FBXL7: variants seen among roughly 807,000 people sequenced by gnomAD.
FBXL7 encodes the protein F-box/LRR-repeat protein 7.
FBXL7 carries 12 observed loss-of-function variants against 38.3 expected under a neutral mutation model. The ratio of observed to expected loss-of-function variants is 0.31; its 90% CI spans 0.20 to 0.51. FBXL7 has a LOEUF of 0.51. FBXL7 is among the 20% of genes least tolerant of loss of function. The pLI, the probability that FBXL7 is intolerant of heterozygous loss-of-function variation, is 0.98. For synonymous variants in FBXL7, 297 were observed against 300.9 expected (o/e 0.99, Z 0.13); for missense variants, 567 against 676.4 (o/e 0.84, Z 1.79).
At chr5:15,507,872 G>A (rs911274909) in intron 1 of FBXL7, among the ~76,000 whole-genome samples, 23 of 152,060 alleles carry the variant, frequency 1.5e-4, no homozygotes, top group African/African-American at 5.3e-4. Context: ...GTGAAACCCG[G>A]TGTCTACTAA....
intron 2 of FBXL7, among the ~76,000 whole-genome samples, chr5:15,715,154 C>G (rs969197237): frequency 6.6e-6 from 1 of 151,978 alleles, no homozygotes; most frequent in Non-Finnish European, 1.5e-5. Flanking sequence ...CAATAGGAAA[C>G]TATATATATT....
chr5:15,904,696 A>G (rs1741312873), intron 2 of FBXL7, among the ~76,000 whole-genome samples: 1 of 152,138 alleles, frequency 6.6e-6, no homozygotes, highest in Non-Finnish European at 1.5e-5. Flanking sequence ...TCTATTTCAT[A>G]TATATTTGGC....
intron 2 of FBXL7, among the ~76,000 whole-genome samples, chr5:15,649,372 G>A (rs771149781): frequency 1.3e-5 from 2 of 152,142 alleles, no homozygotes; most frequent in Non-Finnish European, 2.9e-5. Flanking sequence ...ATTGGTTGCT[G>A]AAATAGTATA....
At chr5:15,655,234 G>A (rs759990035) in intron 2 of FBXL7, among the ~76,000 whole-genome samples, 3 of 152,154 alleles carry the variant, frequency 2.0e-5, no homozygotes, top group East Asian at 1.9e-4. Context: ...GGTGGCTCAC[G>A]CCTGTAATCC....
rs544213985 is a variant in FBXL7, at chr5:15,501,687, T to C, written c.37+974T>C. On this transcript the variant is annotated intron_variant, in intron 1 of 3. Transcript: ENST00000504595. Reference sequence around the variant, plus strand: ...GCCTGTGGCCTGGAGGAAACTCTTATCATCCTGTTCGAAACTTTGAGCTGT... The same window carrying C: ...GCCTGTGGCCTGGAGGAAACTCTTACCATCCTGTTCGAAACTTTGAGCTGT... 21 of 985,480 alleles carry C rather than the reference T, an allele frequency of 2.1e-5. No individual in the cohort carries two copies. In the South Asian group the frequency reaches 7.0e-4, roughly 33 times the overall value. 61.0% of individuals were successfully genotyped at this position (985,480 alleles called of 1,614,324 possible).
At chr5:15,673,469 A>G (rs1056003827) in intron 2 of FBXL7, among the ~76,000 whole-genome samples, 8 of 152,198 alleles carry the variant, frequency 5.3e-5, no homozygotes, top group Non-Finnish European at 1.2e-4. Context: ...TTTGGAATTG[A>G]GTCTTGGTGT....
At chr5:15,636,879 ATTCT>A (rs1206715860) in intron 2 of FBXL7, among the ~76,000 whole-genome samples, 1 of 152,222 alleles carries the variant, frequency 6.6e-6, no homozygotes, top group South Asian at 2.1e-4. Flanking sequence ...GATCTGATAC[ATTCT>A]TAATCAGAAA....
chr5:15,926,936 C>T (rs1380338915), intron 2 of FBXL7, among the ~76,000 whole-genome samples: 1 of 151,776 alleles, frequency 6.6e-6, no homozygotes, highest in Admixed American at 6.6e-5. Flanking sequence ...AAACTCACTC[C>T]CCTCATTTGT....
At chr5:15,929,598 T>C (rs909294873) in intron 3 of FBXL7, among the ~76,000 whole-genome samples, 1 of 141,304 alleles carries the variant, frequency 7.1e-6, no homozygotes. Context: ...CACTCCAGCC[T>C]GGAGGACAGA....
intron 2 of FBXL7, among the ~76,000 whole-genome samples, chr5:15,719,208 CT>C (rs1744128646): frequency 1.3e-5 from 2 of 152,130 alleles, no homozygotes; most frequent in Non-Finnish European, 2.9e-5. Context: ...CAAGTTCAGG[CT>C]TTGTTCCTGA....
chr5:15,882,700 T>C (rs1290425281), intron 2 of FBXL7, among the ~76,000 whole-genome samples: 1 of 152,312 alleles, frequency 6.6e-6, no homozygotes, highest in South Asian at 2.1e-4. Flanking sequence ...CCACAATCTC[T>C]TCTCAATCTC....
rs537938250 is a variant in FBXL7 at position 15,587,276 on chromosome 5, C to G, written c.38-28707C>G. On this transcript the variant is annotated intron_variant, in intron 1 of 3. Transcript: ENST00000504595. ...TCAGGGCCTTTTTGTATTTCAAATCCTTGGCCTAGAATGGGCTTGCTTCTT... is the reference window on the plus strand; with the variant it reads ...TCAGGGCCTTTTTGTATTTCAAATCGTTGGCCTAGAATGGGCTTGCTTCTT... Among the ~76,000 whole-genome samples, 4 of 152,236 alleles carry G rather than the reference C, an allele frequency of 2.6e-5. No individual in the cohort carries two copies. The East Asian group carries it at 7.7e-4, about 29-fold the overall frequency.
chr5:15,695,995 A>G (rs953423355), intron 2 of FBXL7, among the ~76,000 whole-genome samples: 1 of 152,226 alleles, frequency 6.6e-6, no homozygotes, highest in African/African-American at 2.4e-5. Context: ...AAAAATTCGT[A>G]TCTTCGCAAA....
At chr5:15,691,347 G>A (rs780020340) in intron 2 of FBXL7, among the ~76,000 whole-genome samples, 3 of 152,202 alleles carry the variant, frequency 2.0e-5, no homozygotes, top group Non-Finnish European at 4.4e-5. Flanking sequence ...CCAACAGTGA[G>A]AACAGACCAA....
intron 1 of FBXL7, among the ~76,000 whole-genome samples, chr5:15,506,135 T>G (rs1736640628): frequency 6.6e-6 from 1 of 152,076 alleles, no homozygotes; most frequent in African/African-American, 2.4e-5. Flanking sequence ...CTGAAGAACT[T>G]TCAACTTTTC....
Position 15,888,762 on chromosome 5 carries a change from A to G in FBXL7, c.128-39128A>G, listed in dbSNP as rs75164045. ...CTCTACTTTACAAAAAAATGGCAAA[A>G]TTGGTCTTTTGCCTTCGATCAAGAG... is the stretch of plus-strand genomic sequence containing the variant. On this transcript the variant is annotated intron_variant, in intron 2 of 3. Coordinates refer to ENST00000504595, the MANE Select transcript of FBXL7 (RefSeq NM_012304.5). Among the ~76,000 whole-genome samples the G allele has an allele frequency of 6.7e-4, 102 of 152,280 alleles. 1 individual carries two copies. In the East Asian group the frequency reaches 0.016, roughly 24 times the overall value.
chr5:15,683,719 T>C (rs4235553), intron 2 of FBXL7, among the ~76,000 whole-genome samples: 113,998 of 152,042 alleles, frequency 0.75, 43,023 homozygotes, highest in East Asian at 0.88. Flanking sequence ...GTTTAGACCT[T>C]GGAAAATGAC....
At chr5:15,705,088 C>A (rs190661055) in intron 2 of FBXL7, among the ~76,000 whole-genome samples, 5 of 152,278 alleles carry the variant, frequency 3.3e-5, no homozygotes, top group Admixed American at 3.3e-4. Context: ...TGCATTCTCA[C>A]AATTCTCTAT....
chr5:15,741,222 C>T (rs769028237), intron 2 of FBXL7, among the ~76,000 whole-genome samples: 42 of 152,124 alleles, frequency 2.8e-4, no homozygotes, highest in Non-Finnish European at 5.3e-4. Context: ...ATTGTACTTA[C>T]GACATTGCAT....
Sources: gnomAD v4.1 joint callset for allele counts (sites outside exome capture counted in the v4.1 genomes callset) on GRCh38, gnomAD v4.1.1 for gene constraint, MANE v1.5 for transcripts, NCBI Gene and HGNC (gene_info 2026-07-23, HGNC 2026-07-21) for gene names.